NCKAP5: variants seen among roughly 807,000 people sequenced by gnomAD.
NCKAP5 encodes the protein NCK associated protein 5.
A neutral mutation model predicts 167.0 loss-of-function variants in NCKAP5; 92 were observed. The ratio of observed to expected loss-of-function variants is 0.55; its 90% confidence interval spans 0.47 to 0.66. The LOEUF is 0.66. Among genes scored for constraint, NCKAP5 ranks in the 30% least tolerant of loss-of-function variants. NCKAP5 has a pLI of 0.00. For missense variants in NCKAP5, 2,378 were observed against 2,315.0 expected, an observed-to-expected ratio of 1.03 and a Z score of -0.56; for synonymous variants, 891 against 877.4, an observed-to-expected ratio of 1.02 and a Z score of -0.27.
At position 132,785,350 on chromosome 2, in the gene NCKAP5, C is replaced by T. The variant is rs979013270; in HGVS notation, c.1461G>A (p.Leu487=). The change falls in exon 14 of 20, where the codon TTG becomes TTA. Residue 487 remains leucine (L), a synonymous_variant. Coordinates refer to ENST00000409261, the MANE Select transcript of NCKAP5 (RefSeq NM_207363.3). ...AGCTCTGGTTTGGAACTGCTTGGAG[C>T]AATGCTAAGGTGGAAGGGTCATCGT... ...DADDDPSTLA[L]LQAVPNQSCR... is the part of the protein sequence containing the mutation. 1.2e-6 allele frequency: 2 copies of T among 1,613,690 alleles called. No individual in the cohort carries two copies. The highest frequency in any genetic ancestry group is 1.3e-5 in the African/African-American group (1 of 74,924).
chr2:133,131,762 G>A (rs1485998665), intron 5 of NCKAP5, among the ~76,000 whole-genome samples: 1 of 151,878 alleles, frequency 6.6e-6, no homozygotes, highest in Non-Finnish European at 1.5e-5. Flanking sequence ...AAGATAAATG[G>A]GTTAATTAAA....
intron 1 of NCKAP5, among the ~76,000 whole-genome samples, chr2:133,563,379 G>A (rs1688306788): frequency 6.6e-6 from 1 of 152,016 alleles, no homozygotes; most frequent in East Asian, 1.9e-4. Flanking sequence ...GACCATCCTG[G>A]CCAACATGGT....
chr2:132,948,545 G>T (rs1359466193), intron 8 of NCKAP5, among the ~76,000 whole-genome samples: 1 of 152,170 alleles, frequency 6.6e-6, no homozygotes, highest in Non-Finnish European at 1.5e-5. Flanking sequence ...CAGAGCAAAG[G>T]TTTGGGGCCC....
chr2:132,817,642 A>G (rs1247974792), intron 11 of NCKAP5, among the ~76,000 whole-genome samples: 1 of 152,154 alleles, frequency 6.6e-6, no homozygotes, highest in Non-Finnish European at 1.5e-5. Flanking sequence ...AGAGCTTCAG[A>G]TGTCAGATTA....
intron 9 of NCKAP5, among the ~76,000 whole-genome samples, chr2:132,871,308 G>A (rs957891952): frequency 6.8e-6 from 1 of 147,182 alleles, no homozygotes; most frequent in Non-Finnish European, 1.5e-5. Context: ...TTTATTGTTG[G>A]CAAATAAACA....
At chr2:132,928,968 A>ACAAAG (rs1379446608) in intron 8 of NCKAP5, among the ~76,000 whole-genome samples, 1 of 135,804 alleles carries the variant, frequency 7.4e-6, no homozygotes, top group African/African-American at 3.7e-5. Flanking sequence ...CCAAAACAAA[A>ACAAAG]CAAAACAAAA....
At chr2:133,255,535 C>T (rs2088573731) in intron 4 of NCKAP5, among the ~76,000 whole-genome samples, 1 of 152,082 alleles carries the variant, frequency 6.6e-6, no homozygotes, top group African/African-American at 2.4e-5. Flanking sequence ...TGTACAAATA[C>T]AGTCCTGACA....
At chr2:133,648,168 C>T in the NCKAP5 span, among the ~76,000 whole-genome samples, 1 of 151,812 alleles carries the variant, frequency 6.6e-6, no homozygotes. Context: ...AAGGGCTAAT[C>T]CACCAGGAAT....
At chr2:133,422,060 G>C (rs1689512486) in intron 3 of NCKAP5, among the ~76,000 whole-genome samples, 1 of 152,240 alleles carries the variant, frequency 6.6e-6, no homozygotes, top group South Asian at 2.1e-4. Context: ...AAATAATGTG[G>C]TATGTGCTAT....
intron 7 of NCKAP5, among the ~76,000 whole-genome samples, chr2:132,967,180 C>T (rs1408833789): frequency 6.7e-6 from 1 of 150,294 alleles, no homozygotes; most frequent in Non-Finnish European, 1.5e-5. Flanking sequence ...CACACACACA[C>T]ACACACACAC....
intron 8 of NCKAP5, among the ~76,000 whole-genome samples, chr2:132,915,861 C>G (rs1293872019): frequency 6.6e-6 from 1 of 151,986 alleles, no homozygotes; most frequent in Non-Finnish European, 1.5e-5. Flanking sequence ...ACCCCAGAGG[C>G]AGATGGCTTA....
chr2:133,218,063 T>A (rs1418126041), intron 4 of NCKAP5, among the ~76,000 whole-genome samples: 5 of 152,222 alleles, frequency 3.3e-5, no homozygotes, highest in Non-Finnish European at 7.4e-5. Flanking sequence ...GATCCTTTTG[T>A]ATGCAGAAAA....
At chr2:132,861,583 C>CT (rs2148718630) in intron 10 of NCKAP5, among the ~76,000 whole-genome samples, 1 of 152,238 alleles carries the variant, frequency 6.6e-6, no homozygotes, top group South Asian at 2.1e-4. Context: ...CGCATTCCTT[C>CT]TACCTTCTTC....
intron 3 of NCKAP5, among the ~76,000 whole-genome samples, chr2:133,463,686 C>T (rs1692341744): frequency 6.6e-6 from 1 of 152,216 alleles, no homozygotes; most frequent in Non-Finnish European, 1.5e-5. Context: ...TTCCATGTTT[C>T]CTACTTTCTC....
At chr2:133,283,260 G>C (rs1416324730) in intron 4 of NCKAP5, among the ~76,000 whole-genome samples, 1 of 152,166 alleles carries the variant, frequency 6.6e-6, no homozygotes. Context: ...GGGTAAGATT[G>C]ACCATTTGAA....
intron 15 of NCKAP5, among the ~76,000 whole-genome samples, chr2:132,778,999 C>A (rs1232702132): frequency 6.6e-6 from 1 of 152,216 alleles, no homozygotes; most frequent in Non-Finnish European, 1.5e-5. Context: ...AGCTGGTCAA[C>A]TACCCAGGTT....
chr2:133,401,160 A>G (rs1036662862), intron 3 of NCKAP5, among the ~76,000 whole-genome samples: 1 of 152,192 alleles, frequency 6.6e-6, no homozygotes, highest in Non-Finnish European at 1.5e-5. Context: ...TCCACAAAAA[A>G]TCCTAAACGA....
In NCKAP5 at chr2:133,385,474, T is replaced by C. The variant is rs538413679; in HGVS notation, c.70-82364A>G. Among the ~76,000 whole-genome samples, 58 of 152,356 alleles carry C rather than the reference T, an allele frequency of 3.8e-4. 1 individual carries two copies. Among genetic ancestry groups the C allele is most frequent in the South Asian group, 3.7e-3 (18 of 4,826 alleles). Reference sequence around the variant, plus strand: ...CAGTATTTTATTGAGGATTTTTGCATTGATGTTCATCAGGGATATTGGTCT... The same window carrying C: ...CAGTATTTTATTGAGGATTTTTGCACTGATGTTCATCAGGGATATTGGTCT... On this transcript the variant is annotated intron_variant, in intron 3 of 19. Coordinates refer to ENST00000409261, the MANE Select transcript of NCKAP5 (RefSeq NM_207363.3).
chr2:132,724,633 A>G (rs1690266015), intron 19 of NCKAP5, among the ~76,000 whole-genome samples: 1 of 152,178 alleles, frequency 6.6e-6, no homozygotes, highest in South Asian at 2.1e-4. Flanking sequence ...TGAACCACAA[A>G]GAGCCAACAG....
Sources: allele counts gnomAD v4.1 joint callset (sites outside exome capture counted in the v4.1 genomes callset), GRCh38; gene constraint gnomAD v4.1.1; transcripts MANE v1.5; gene names NCBI Gene and HGNC (gene_info 2026-07-23, HGNC 2026-07-21).